Variants in PTH2R observed in about 807,000 individuals in gnomAD.
The protein encoded by PTH2R is parathyroid hormone 2 receptor, also known as PTH2 receptor.
In PTH2R, 59 loss-of-function variants were observed where a neutral mutation model predicts 60.3. The observed-to-expected ratio is 0.98, with a 90% CI of 0.79 to 1.22. PTH2R has a LOEUF of 1.22. Ranked by LOEUF, PTH2R falls within the 50% of genes most tolerant of loss-of-function variation. PTH2R has a pLI of 0.00. For synonymous variants in PTH2R, 256 were observed against 243.8 expected (o/e 1.05, Z -0.47); for missense variants, 749 against 682.6 (o/e 1.10, Z -1.08).
At position 208,450,806 on chromosome 2, in the gene PTH2R, C is replaced by T. The variant is rs753910523; in HGVS notation, c.911C>T (p.Ala304Val). Residue 304 changes from alanine (A) to valine (V), a missense_variant, in exon 8 of 13, where the codon GCG becomes GTG. Ala to Val is a moderately conservative substitution (Grantham distance 64). Transcript: ENST00000272847. ...WAVARATLADARCWELSAGDI... is the reference protein window; with the variant it reads ...WAVARATLADVRCWELSAGDI... ...GTGGCACGAGCAACTCTGGCTGATG[C>T]GAGGTGAGTGAAAAGGCAGGGGAAA... The T allele has an allele frequency of 4.3e-6, 7 of 1,613,610 alleles. No homozygotes were observed. Among genetic ancestry groups the T allele is most frequent in the Admixed American group, 3.3e-5 (2 of 59,980 alleles).
At chr2:208,441,278 C>T (rs1702178153) in intron 4 of PTH2R, among the ~76,000 whole-genome samples, 1 of 152,058 alleles carries the variant, frequency 6.6e-6, no homozygotes, top group African/African-American at 2.4e-5. Flanking sequence ...ACATATAGGG[C>T]GAAGTCTGGA....
In PTH2R at chr2:208,454,669, T is replaced by C. The variant is rs1000425216; in HGVS notation, c.914+3860T>C. Among the ~76,000 whole-genome samples the C allele has an allele frequency of 6.6e-5, 10 of 152,230 alleles. No homozygotes were observed. The East Asian group carries it at 7.7e-4, about 12-fold the overall frequency. On this transcript the variant is annotated intron_variant, in intron 8 of 12. Coordinates refer to ENST00000272847, the MANE Select transcript of PTH2R (RefSeq NM_005048.4). ...GTCAAGCAGATTAACACACTTATGA[T>C]AAAGAAAAGGTAATTTAAAGAGAGG...
At chr2:208,464,123 C>T (rs777608545) in intron 9 of PTH2R, among the ~76,000 whole-genome samples, 4 of 152,234 alleles carry the variant, frequency 2.6e-5, no homozygotes, top group South Asian at 2.1e-4. Flanking sequence ...ATCGAGAAAT[C>T]GATATTTACA....
At chr2:208,463,010 G>T (rs1488875093) in intron 9 of PTH2R, among the ~76,000 whole-genome samples, 2 of 152,238 alleles carry the variant, frequency 1.3e-5, no homozygotes, top group African/African-American at 4.8e-5. Context: ...GAAGCTGGCA[G>T]TGGGTAACCA....
rs991110220 is a variant in PTH2R, at chr2:208,407,054, T to C, written c.11T>C (p.Leu4Pro). MAGLGASLHVWGWL... is the reference protein window; with the variant it reads MAGPGASLHVWGWL... Reference sequence around the variant, plus strand: ...ACAGCCGTTCCGGGCATGGCCGGGCTGGGGGCGTCGCTCCACGTCTGGGGT... The same window carrying C: ...ACAGCCGTTCCGGGCATGGCCGGGCCGGGGGCGTCGCTCCACGTCTGGGGT... The change falls in exon 1 of 13, where the codon CTG becomes CCG. Residue 4 changes from leucine (L) to proline (P), a missense_variant. Coordinates refer to ENST00000272847, the MANE Select transcript of PTH2R (RefSeq NM_005048.4). The C allele has an allele frequency of 2.2e-6, 3 of 1,394,262 alleles. No homozygotes were observed. The highest frequency in any genetic ancestry group is 2.8e-6 in the Non-Finnish European group (3 of 1,067,650). The allele number at this position is 1,394,262 out of a possible 1,614,324, so 86.4% of individuals were successfully genotyped here.
chr2:208,444,674 G>A, intron 6 of PTH2R, 60 bp from the exon 7 acceptor site: 3 of 1,515,502 alleles, frequency 2.0e-6, no homozygotes, highest in Admixed American at 3.7e-5. Context: ...GTGGTCTAAT[G>A]TTGGCATCCA....
In PTH2R at chr2:208,376,866, GTTAA is replaced by G. The variant is rs532245323; in HGVS notation, c.-259+16644_-259+16647del. Among the ~76,000 whole-genome samples, 1,364 of 150,782 alleles carry G rather than the reference GTTAA, an allele frequency of 9.0e-3. 14 individuals carry two copies. The highest frequency in any genetic ancestry group is 0.023 in the African/African-American group (959 of 40,886). ...AAATGCCTCTTTCTTTTTTTTTTAA[GTTAA>G]TTAATTAATTAATTTTTTTTTATTG... On this transcript the variant is annotated intron_variant, in intron 1 of 12. Transcript: ENST00000617735.
At chr2:208,489,745 C>T (rs775198939) in intron 11 of PTH2R, among the ~76,000 whole-genome samples, 3 of 152,094 alleles carry the variant, frequency 2.0e-5, no homozygotes, top group Non-Finnish European at 4.4e-5. Context: ...ACTCACATAC[C>T]ATTGTTTGGC....
At chr2:208,483,385 T>C (rs1703202029) in intron 10 of PTH2R, among the ~76,000 whole-genome samples, 1 of 152,144 alleles carries the variant, frequency 6.6e-6, no homozygotes, top group Admixed American at 6.5e-5. Context: ...TGGAAGAGTG[T>C]AGTGGTGTTT....
chr2:208,444,296 T>C (rs1271847806), intron 6 of PTH2R, among the ~76,000 whole-genome samples: 1 of 152,232 alleles, frequency 6.6e-6, no homozygotes, highest in Non-Finnish European at 1.5e-5. Context: ...TTCTAAGATA[T>C]GTTAAATGTT....
intron 4 of PTH2R, among the ~76,000 whole-genome samples, chr2:208,441,051 G>A (rs140119337): frequency 1.6e-4 from 24 of 152,312 alleles, no homozygotes; most frequent in African/African-American, 5.8e-4. Flanking sequence ...ATCCCCTAGA[G>A]ATGCATAGTT....
In PTH2R at chr2:208,489,100, C is replaced by T. The variant is rs1247802384; in HGVS notation, c.1165C>T (p.Leu389Phe). Residue 389 changes from leucine (L) to phenylalanine (F), a missense_variant, in exon 11 of 13, where the codon CTC becomes TTC. Coordinates refer to ENST00000272847, the MANE Select transcript of PTH2R (RefSeq NM_005048.4). ...ATGCCTGCCTCACTCCTTCACTGGG[C>T]TCGGGTGGGAGATCCGCATGCACTG... The part of the protein sequence containing the change: ...FVCLPHSFTG[L>F]GWEIRMHCEL... 1 of 1,614,142 alleles carries T rather than the reference C, an allele frequency of 6.2e-7. No individual in the cohort carries two copies. The highest frequency in any genetic ancestry group is 1.7e-5 in the Admixed American group (1 of 60,020).
rs115482019 is a variant in PTH2R, at chr2:208,461,659, T to A, written c.981+1698T>A. ...GAAGGACCTATTGAAATGCAAGAGA[T>A]CCTTGTAAAATTATCAGGAATTGAA... is the stretch of plus-strand genomic sequence containing the variant. On this transcript the variant is annotated intron_variant, in intron 9 of 12. Coordinates refer to ENST00000272847, the MANE Select transcript of PTH2R (RefSeq NM_005048.4). Among the ~76,000 whole-genome samples, 6 of 152,302 alleles carry A rather than the reference T, an allele frequency of 3.9e-5. No homozygotes were observed. The South Asian group carries it at 1.2e-3, about 32-fold the overall frequency.
At chr2:208,377,422 G>A (rs1280249773) in intron 1 of PTH2R, among the ~76,000 whole-genome samples, 2 of 149,264 alleles carry the variant, frequency 1.3e-5, no homozygotes, top group East Asian at 2.1e-4. Context: ...CGGGCAGAGG[G>A]GCTCCTCACT....
At chr2:208,478,031 C>T (rs1703058674) in intron 9 of PTH2R, among the ~76,000 whole-genome samples, 1 of 149,988 alleles carries the variant, frequency 6.7e-6, no homozygotes, top group Non-Finnish European at 1.5e-5. Flanking sequence ...CAGAAACTTC[C>T]TCTTTGTCTT....
At chr2:208,448,054 C>T (rs779343246) in intron 7 of PTH2R, among the ~76,000 whole-genome samples, 3 of 152,122 alleles carry the variant, frequency 2.0e-5, no homozygotes, top group Admixed American at 6.5e-5. Flanking sequence ...AACCACCTAT[C>T]CTAGTAATAC....
chr2:208,386,107 T>C (rs545153701), intron 1 of PTH2R, among the ~76,000 whole-genome samples: 18 of 152,350 alleles, frequency 1.2e-4, no homozygotes, highest in African/African-American at 4.3e-4. Flanking sequence ...ATTCATTCCA[T>C]ATATCTGGCT....
chr2:208,421,145 C>T (rs780824536), intron 1 of PTH2R, among the ~76,000 whole-genome samples: 2 of 152,104 alleles, frequency 1.3e-5, no homozygotes, highest in Non-Finnish European at 2.9e-5. Context: ...TGATCGCATT[C>T]TTAATGTTTT....
intron 9 of PTH2R, 71 bp from the exon 10 acceptor site, chr2:208,480,999 A>G: frequency 3.5e-6 from 4 of 1,154,840 alleles, no homozygotes; most frequent in Non-Finnish European, 5.0e-6. Flanking sequence ...AAAAAATTTC[A>G]ATTTATGTAA....
Sources: gnomAD v4.1 joint callset for allele counts (sites outside exome capture counted in the v4.1 genomes callset) on GRCh38, gnomAD v4.1.1 for gene constraint, MANE v1.5 for transcripts, NCBI Gene and HGNC (gene_info 2026-07-23, HGNC 2026-07-21) for gene names.